The following STX7 variants were observed in gnomAD, a reference collection of about 807,000 sequenced individuals.
The protein encoded by STX7 is syntaxin-7.
STX7 carries 34 observed loss-of-function variants against 39.6 expected under a neutral mutation model. The observed-to-expected ratio is 0.86, with a 90% confidence interval of 0.65 to 1.14. The LOEUF is 1.14. STX7 is among the 50% of genes most tolerant of loss of function. The pLI is 0.00. For missense variants in STX7, 284 were observed against 310.4 expected, an observed-to-expected ratio of 0.92 and a Z score of 0.64; for synonymous variants, 119 against 99.1, an observed-to-expected ratio of 1.20 and a Z score of -1.19.
intron 2 of STX7, among the ~76,000 whole-genome samples, chr6:132,491,273 G>GA (rs368980068): frequency 0.024 from 3,185 of 131,476 alleles, 61 homozygotes; most frequent in African/African-American, 0.062. Flanking sequence ...AGGATTAAAA[G>GA]AAAAAAAAAA....
At chr6:132,502,897 TA>T (rs995863274) in intron 2 of STX7, among the ~76,000 whole-genome samples, 226 of 142,968 alleles carry the variant, frequency 1.6e-3, no homozygotes, top group Non-Finnish European at 1.6e-3. Context: ...AGGCTGTCTC[TA>T]AAAAAAAAAA....
At chr6:132,480,876 A>G (rs1024811693) in intron 2 of STX7, among the ~76,000 whole-genome samples, 2 of 152,210 alleles carry the variant, frequency 1.3e-5, no homozygotes, top group African/African-American at 4.8e-5. Flanking sequence ...TTGCTCTGCA[A>G]TGTATATATT....
At chr6:132,498,126 G>T (rs958495442) in intron 2 of STX7, among the ~76,000 whole-genome samples, 2 of 152,180 alleles carry the variant, frequency 1.3e-5, no homozygotes, top group African/African-American at 4.8e-5. Context: ...CGGAGTCAAC[G>T]CTTTCTCTCA....
intron 9 of STX7, among the ~76,000 whole-genome samples, chr6:132,461,494 T>A (rs1358492504): frequency 6.6e-6 from 1 of 151,908 alleles, no homozygotes; most frequent in Non-Finnish European, 1.5e-5. Flanking sequence ...GTATTTTTAG[T>A]AGAGACGGAG....
chr6:132,484,843 A>G (rs79411211), intron 2 of STX7, among the ~76,000 whole-genome samples: 3,550 of 152,250 alleles, frequency 0.023, 125 homozygotes, highest in African/African-American at 0.08. Context: ...TCTCCAAGCT[A>G]TAATTGCTTC....
rs192408468 is a variant in STX7, at chr6:132,486,054, T to C, written c.86-10392A>G. On this transcript the variant is annotated intron_variant, in intron 2 of 9. Coordinates refer to ENST00000367941, the MANE Select transcript of STX7 (RefSeq NM_003569.3). ...GAGAAATACAATTTATTTTTGTACA[T>C]TGATCAGATACTTACTAAATTGACT... 2.1e-4 allele frequency among the ~76,000 whole-genome samples: 32 copies of C among 152,362 alleles called. No individual in the cohort carries two copies. The East Asian group carries it at 4.6e-3, about 22-fold the overall frequency.
intron 2 of STX7, among the ~76,000 whole-genome samples, chr6:132,488,972 T>C (rs1329238972): frequency 3.3e-5 from 5 of 151,932 alleles, no homozygotes; most frequent in Non-Finnish European, 7.4e-5. Flanking sequence ...GAGGCCAAGG[T>C]AAGCAGATCA....
chr6:132,493,267 T>C (rs1775340348), intron 2 of STX7, among the ~76,000 whole-genome samples: 1 of 152,184 alleles, frequency 6.6e-6, no homozygotes, highest in Non-Finnish European at 1.5e-5. Flanking sequence ...AAGCAACTAA[T>C]AGGCACACCA....
intron 2 of STX7, among the ~76,000 whole-genome samples, chr6:132,484,541 C>A (rs1582665267): frequency 6.6e-6 from 1 of 152,270 alleles, no homozygotes; most frequent in East Asian, 1.9e-4. Context: ...AACACACACA[C>A]AGAGTACCTT....
At chr6:132,511,475 C>A (rs186002925) in intron 1 of STX7, among the ~76,000 whole-genome samples, 22 of 152,226 alleles carry the variant, frequency 1.4e-4, no homozygotes, top group Non-Finnish European at 2.1e-4. Flanking sequence ...ACTCAAAAGT[C>A]GAATTAATCA....
intron 1 of STX7, among the ~76,000 whole-genome samples, chr6:132,504,326 C>T (rs1036381522): frequency 1.1e-4 from 16 of 152,100 alleles, no homozygotes; most frequent in African/African-American, 3.1e-4. Context: ...GGAAGGAGAA[C>T]GAATGACTCT....
At position 132,503,456 on chromosome 6, in the gene STX7, G is replaced by T; in HGVS notation, c.75C>A (p.Ile25=). 1.2e-6 allele frequency: 2 copies of T among 1,613,806 alleles called. No homozygotes were observed. The highest frequency in any genetic ancestry group is 2.2e-5 in the South Asian group (2 of 91,074). Residue 25 remains isoleucine, a synonymous_variant, in exon 2 of 10, where the codon ATC becomes ATA. Coordinates refer to ENST00000367941, the MANE Select transcript of STX7 (RefSeq NM_003569.3). Reference sequence around the variant, plus strand: ...TAAAACTCAACTCACAACACTGTGTGATCTTCTGGATGTTAGAAGAGATCC... The same window carrying T: ...TAAAACTCAACTCACAACACTGTGTTATCTTCTGGATGTTAGAAGAGATCC... ...AQRISSNIQK[I]TQCSVEIQRT...
chr6:132,498,105 G>A (rs1440206707), intron 2 of STX7, among the ~76,000 whole-genome samples: 1 of 152,196 alleles, frequency 6.6e-6, no homozygotes, highest in Non-Finnish European at 1.5e-5. Flanking sequence ...CAAGGGCCTT[G>A]TTGACTGTTA....
chr6:132,493,965 G>T (rs1202423355), intron 2 of STX7, among the ~76,000 whole-genome samples: 1 of 152,134 alleles, frequency 6.6e-6, no homozygotes, highest in East Asian at 1.9e-4. Flanking sequence ...ACTGAGCATA[G>T]ATCATGTTGG....
intron 2 of STX7, 39 bp downstream of exon 2, chr6:132,503,407 T>C (rs763775535): frequency 1.2e-5 from 18 of 1,546,868 alleles, no homozygotes; most frequent in Non-Finnish European, 8.0e-6. Flanking sequence ...CAGTTAAGAG[T>C]GGATACAAAT....
rs1774168533 is a variant in STX7 at position 132,453,152 on chromosome 6, C to G, written c.*7606G>C. ...AAACAATTCAATGGACAAAAAAGAG[C>G]CTTTTCGACAAATATCATGTTGGAG... On this transcript the variant is annotated 3_prime_UTR_variant, in exon 10 of 10. Coordinates refer to ENST00000367941, the MANE Select transcript of STX7 (RefSeq NM_003569.3). 6.6e-6 allele frequency: 1 copy of G among 152,016 alleles called. No homozygotes were observed. Among genetic ancestry groups the G allele is most frequent in the Non-Finnish European group, 1.5e-5 (1 of 67,956 alleles). 9.4% of individuals were successfully genotyped at this position (152,016 alleles called of 1,614,324 possible). A position where few individuals can be genotyped will look rare whatever the true frequency, so the allele number is the denominator to read the frequency against.
rs1333880349 is a variant in STX7, at chr6:132,503,453, T to C, written c.78A>G (p.Thr26=). The C allele has an allele frequency of 1.9e-6, 3 of 1,613,778 alleles. No homozygotes were observed. In the African/African-American group the frequency reaches 4.0e-5, roughly 22 times the overall value. ...QRISSNIQKI[T]QCSVEIQRTL... is the part of the protein sequence containing the mutation. Reference sequence around the variant, plus strand: ...ATTTAAAACTCAACTCACAACACTGTGTGATCTTCTGGATGTTAGAAGAGA... The same window carrying C: ...ATTTAAAACTCAACTCACAACACTGCGTGATCTTCTGGATGTTAGAAGAGA... Residue 26 remains threonine, a synonymous_variant, in exon 2 of 10, where the codon ACA becomes ACG. Transcript: ENST00000367941.
At chr6:132,493,126 T>C (rs1328208585) in intron 2 of STX7, among the ~76,000 whole-genome samples, 1 of 152,218 alleles carries the variant, frequency 6.6e-6, no homozygotes, top group Non-Finnish European at 1.5e-5. Context: ...TAGGTGGCCA[T>C]ACTCAATATC....
intron 8 of STX7, 47 bp downstream of exon 8, chr6:132,468,356 G>T (rs1414183758): frequency 1.4e-6 from 2 of 1,398,560 alleles, no homozygotes; most frequent in South Asian, 1.2e-5. Flanking sequence ...CAGGTAAAGT[G>T]CATGTAGCTT....
Sources: allele counts gnomAD v4.1 joint callset (sites outside exome capture counted in the v4.1 genomes callset), GRCh38; gene constraint gnomAD v4.1.1; transcripts MANE v1.5; gene names NCBI Gene and HGNC (gene_info 2026-07-23, HGNC 2026-07-21).